Variants in IGSF11 observed in about 807,000 individuals in gnomAD.
IGSF11 encodes immunoglobulin superfamily member 11, also known as CXADR like 1.
In IGSF11, 22 loss-of-function variants were observed where a neutral mutation model predicts 41.0. The observed-to-expected ratio is 0.54, with a 90% CI of 0.38 to 0.77. IGSF11 has a LOEUF of 0.77. Ranked by LOEUF, IGSF11 falls within the 30% of genes least tolerant of loss-of-function variation. The pLI is 0.00. For missense variants in IGSF11, 444 were observed against 530.8 expected (o/e 0.84, Z 1.61); for synonymous variants, 219 against 201.3 (o/e 1.09, Z -0.74).
intron 1 of IGSF11, among the ~76,000 whole-genome samples, chr3:119,015,787 G>A (rs886607302): frequency 3.3e-5 from 5 of 152,038 alleles, no homozygotes; most frequent in African/African-American, 1.2e-4. Flanking sequence ...AAGAGCTGGG[G>A]GAAAGGAAAA....
intron 1 of IGSF11, among the ~76,000 whole-genome samples, chr3:119,098,515 C>G (rs375935911): frequency 2.0e-5 from 3 of 152,260 alleles, no homozygotes; most frequent in Admixed American, 6.5e-5. Context: ...CCCTCAAGAA[C>G]AGCATAGTGC....
chr3:118,986,538 G>A (rs887005474), intron 1 of IGSF11, among the ~76,000 whole-genome samples: 2 of 152,126 alleles, frequency 1.3e-5, no homozygotes, highest in African/African-American at 2.4e-5. Flanking sequence ...AAATGGAAAG[G>A]AGCTTTTACT....
chr3:119,087,387 C>T (rs1559859924), intron 1 of IGSF11, among the ~76,000 whole-genome samples: 1 of 149,390 alleles, frequency 6.7e-6, no homozygotes, highest in East Asian at 2.0e-4. Context: ...CACACACACA[C>T]ACACACACAC....
chr3:118,942,678 A>G (rs897685567), intron 1 of IGSF11, among the ~76,000 whole-genome samples: 3 of 152,238 alleles, frequency 2.0e-5, no homozygotes, highest in African/African-American at 7.2e-5. Flanking sequence ...AGCAAGCAAC[A>G]AATGAAAACA....
At chr3:119,131,794 C>G (rs2077485931) in intron 1 of IGSF11, among the ~76,000 whole-genome samples, 2 of 152,098 alleles carry the variant, frequency 1.3e-5, no homozygotes, top group Admixed American at 6.5e-5. Context: ...TTAAGGGCAG[C>G]CAGAGAGGAA....
intron 1 of IGSF11, among the ~76,000 whole-genome samples, chr3:119,012,386 C>T (rs1348456219): frequency 6.6e-6 from 1 of 152,134 alleles, no homozygotes; most frequent in Non-Finnish European, 1.5e-5. Context: ...AGGTTTTAGT[C>T]AACATATTTG....
intron 1 of IGSF11, among the ~76,000 whole-genome samples, chr3:119,049,458 T>A (rs1941519603): frequency 6.6e-6 from 1 of 152,174 alleles, no homozygotes; most frequent in African/African-American, 2.4e-5. Context: ...GAAGGACCTC[T>A]TCAAGGAGAA....
rs968593981 is a variant in IGSF11, at chr3:119,111,756, C to T, written c.-13-6551G>A. Among the ~76,000 whole-genome samples the T allele has an allele frequency of 1.2e-4, 18 of 152,184 alleles. 1 individual carries two copies. Among genetic ancestry groups the T allele is most frequent in the East Asian group, 9.6e-4 (5 of 5,196 alleles). ...TTTGGTCTTTGATGATGGTGATGTA[C>T]AGATGGGTTTTTGGTGTGGATGTTC... On this transcript the variant is annotated intron_variant, in intron 1 of 7. Transcript: ENST00000425327.
At chr3:118,931,924 G>A (rs916728740) in intron 1 of IGSF11, among the ~76,000 whole-genome samples, 9 of 151,988 alleles carry the variant, frequency 5.9e-5, no homozygotes, top group South Asian at 2.1e-4. Context: ...TAGTAGAGAC[G>A]GGGTTTCACC....
chr3:119,082,883 T>C (rs1439827586), intron 1 of IGSF11, among the ~76,000 whole-genome samples: 1 of 152,056 alleles, frequency 6.6e-6, no homozygotes, highest in Non-Finnish European at 1.5e-5. Flanking sequence ...TTTTCAAATA[T>C]AAAACAAACA....
At chr3:118,921,709 T>C (rs1941813446) in intron 4 of IGSF11, among the ~76,000 whole-genome samples, 1 of 152,140 alleles carries the variant, frequency 6.6e-6, no homozygotes, top group African/African-American at 2.4e-5. Context: ...CTTACACTCT[T>C]ACATACATTA....
chr3:119,116,899 G>A (rs1046814074), intron 1 of IGSF11, among the ~76,000 whole-genome samples: 1 of 152,028 alleles, frequency 6.6e-6, no homozygotes, highest in African/African-American at 2.4e-5. Context: ...AAGTGATTTG[G>A]CCTGCAGGAG....
chr3:119,136,689 G>A (rs1428638994), intron 1 of IGSF11, among the ~76,000 whole-genome samples: 1 of 152,044 alleles, frequency 6.6e-6, no homozygotes. Context: ...GGTAAAGAAG[G>A]AAATAAACCC....
chr3:118,982,451 T>G (rs562057253), intron 1 of IGSF11, among the ~76,000 whole-genome samples: 18 of 152,240 alleles, frequency 1.2e-4, no homozygotes, highest in African/African-American at 4.1e-4. Flanking sequence ...ACTAATAAAA[T>G]TATTAATGAC....
At position 119,034,564 on chromosome 3, in the gene IGSF11, G is replaced by C. The variant is rs1336452554; in HGVS notation, c.19C>G (p.Pro7Ala). The C allele has an allele frequency of 6.3e-7, 1 of 1,592,712 alleles. No individual in the cohort carries two copies. Among genetic ancestry groups the C allele is most frequent in the African/African-American group, 1.4e-5 (1 of 73,544 alleles). ...GAGAGGAGCAGCAAAGGCGCCAGAG[G>C]GGAACGCTGAGAAGTCATCCCGGGG... is the stretch of plus-strand genomic sequence containing the variant. Reference protein sequence around the residue: MTSQRSPLAPLLLLSLH... With the variant: MTSQRSALAPLLLLSLH... The change falls in exon 1 of 7, where the codon CCT becomes GCT. Residue 7 changes from proline (P) to alanine (A), a missense_variant. Coordinates refer to ENST00000393775, the MANE Select transcript of IGSF11 (RefSeq NM_001015887.3).
intron 1 of IGSF11, among the ~76,000 whole-genome samples, chr3:119,097,376 T>G (rs1385480744): frequency 2.0e-5 from 3 of 152,178 alleles, no homozygotes; most frequent in Non-Finnish European, 4.4e-5. Context: ...ATTGGTAAAC[T>G]TAGGAAGAGT....
chr3:119,017,776 C>CTTT (rs567222914), intron 1 of IGSF11, among the ~76,000 whole-genome samples: 64 of 100,254 alleles, frequency 6.4e-4, no homozygotes, highest in Non-Finnish European at 8.6e-4. Context: ...GTTTGTTTTA[C>CTTT]TTTTTTTTTT....
At chr3:119,099,083 A>G (rs1048288765) in intron 1 of IGSF11, among the ~76,000 whole-genome samples, 3 of 152,152 alleles carry the variant, frequency 2.0e-5, no homozygotes, top group African/African-American at 2.4e-5. Context: ...AAAATTGGGG[A>G]AAAAAAGGTC....
At chr3:119,011,530 C>T (rs1269167731) in intron 1 of IGSF11, among the ~76,000 whole-genome samples, 1 of 152,096 alleles carries the variant, frequency 6.6e-6, no homozygotes, top group African/African-American at 2.4e-5. Flanking sequence ...ATCCTTCTGT[C>T]AGAAGAAACC....
Sources: allele counts gnomAD v4.1 joint callset (sites outside exome capture counted in the v4.1 genomes callset), GRCh38; gene constraint gnomAD v4.1.1; transcripts MANE v1.5; gene names NCBI Gene and HGNC (gene_info 2026-07-23, HGNC 2026-07-21).